The following NEBL variants were observed in gnomAD, a reference collection of about 807,000 sequenced individuals.
NEBL encodes the protein nebulette, also known as LIM and SH3 protein 2.
A neutral mutation model predicts 140.2 loss-of-function variants in NEBL; 122 were observed. The observed-to-expected ratio is 0.87, with a 90% CI of 0.75 to 1.01. The LOEUF (loss-of-function observed/expected upper bound fraction) is 1.01. Ranked by LOEUF, NEBL falls within the 50% of genes least tolerant of loss-of-function variation. The pLI is 0.00. For synonymous variants in NEBL, 436 were observed against 398.9 expected, an observed-to-expected ratio of 1.09 and a Z score of -1.11; for missense variants, 1,365 against 1,231.3, an observed-to-expected ratio of 1.11 and a Z score of -1.62.
intron 3 of NEBL, among the ~76,000 whole-genome samples, chr10:20,968,332 C>T (rs970920032): frequency 6.6e-6 from 1 of 151,250 alleles, no homozygotes; most frequent in Admixed American, 6.6e-5. Flanking sequence ...TAGCAAGGCC[C>T]CATCTCTTAA....
At chr10:21,118,876 A>C (rs1302497717) in intron 2 of NEBL, among the ~76,000 whole-genome samples, 1 of 152,178 alleles carries the variant, frequency 6.6e-6, no homozygotes. Flanking sequence ...TGGGTGTTAC[A>C]GTTCAGCACA....
chr10:21,125,955 G>A (rs761157935), intron 2 of NEBL: 2 of 1,614,184 alleles, frequency 1.2e-6, no homozygotes, highest in East Asian at 4.5e-5. Context: ...TGGCCCAGTT[G>A]CCTGGATCTG....
Position 21,271,589 on chromosome 10 carries a change from G to A in NEBL, n.183-19761C>T, listed in dbSNP as rs565190661. Among the ~76,000 whole-genome samples, 3 of 147,638 alleles carry A rather than the reference G, an allele frequency of 2.0e-5. No homozygotes were observed. The East Asian group carries it at 6.0e-4, about 30-fold the overall frequency. ...CATCCAGGCTGGAATGCAATATTAC[G>A]ATCTCGGCTCACTGCAACCTCCACC... On this transcript the variant is annotated intron_variant and non_coding_transcript_variant, in intron 1 of 8. Coordinates refer to the NEBL transcript ENST00000675702.
intron 3 of NEBL, among the ~76,000 whole-genome samples, chr10:21,214,687 C>A (rs1291466287): frequency 2.0e-5 from 3 of 152,070 alleles, no homozygotes; most frequent in African/African-American, 7.2e-5. Flanking sequence ...AAGGGTTTTT[C>A]AGGTGCTTCT....
chr10:20,890,754 G>C (rs1224504730), intron 2 of NEBL, among the ~76,000 whole-genome samples: 1 of 152,216 alleles, frequency 6.6e-6, no homozygotes, highest in African/African-American at 2.4e-5. Flanking sequence ...GGAAGACCCG[G>C]GTGGATATTT....
intron 3 of NEBL, among the ~76,000 whole-genome samples, chr10:20,965,665 C>A (rs1162701104): frequency 2.6e-5 from 4 of 152,122 alleles, no homozygotes; most frequent in African/African-American, 9.7e-5. Flanking sequence ...CAGCGGTATG[C>A]CCTGACTTGT....
At chr10:21,280,849 A>G (rs1237606223) in intron 1 of NEBL, among the ~76,000 whole-genome samples, 3 of 152,024 alleles carry the variant, frequency 2.0e-5, no homozygotes, top group East Asian at 1.9e-4. Context: ...TCCTGACCTC[A>G]GGTGATCTGC....
intron 5 of NEBL, among the ~76,000 whole-genome samples, chr10:20,874,405 T>C (rs1845282740): frequency 6.6e-6 from 1 of 152,174 alleles, no homozygotes; most frequent in Admixed American, 6.5e-5. Flanking sequence ...CCAGAGTCAT[T>C]TGAATGATCT....
chr10:20,935,846 A>G (rs1834454672), intron 4 of NEBL, among the ~76,000 whole-genome samples: 1 of 152,208 alleles, frequency 6.6e-6, no homozygotes. Context: ...CATGAGAATC[A>G]TTATAGGCCC....
intron 3 of NEBL, among the ~76,000 whole-genome samples, chr10:21,005,687 T>C (rs1262335857): frequency 6.6e-6 from 1 of 152,156 alleles, no homozygotes; most frequent in East Asian, 1.9e-4. Context: ...TGAGCTGTGA[T>C]CATGCCACTG....
At chr10:20,860,903 G>A (rs1843632296) in intron 7 of NEBL, among the ~76,000 whole-genome samples, 1 of 151,982 alleles carries the variant, frequency 6.6e-6, no homozygotes, top group Admixed American at 6.6e-5. Flanking sequence ...AGAAAATCTT[G>A]GTGGGAATAC....
chr10:20,786,644 G>T (rs1835430463), intron 27 of NEBL, among the ~76,000 whole-genome samples: 1 of 152,178 alleles, frequency 6.6e-6, no homozygotes, highest in African/African-American at 2.4e-5. Context: ...GTGTAGAAGA[G>T]TTTTCTAGGT....
At chr10:21,008,877 GT>G (rs1368881885) in intron 3 of NEBL, among the ~76,000 whole-genome samples, 1 of 151,630 alleles carries the variant, frequency 6.6e-6, no homozygotes, top group Non-Finnish European at 1.5e-5. Flanking sequence ...TATGCATATT[GT>G]ATGTAATGTA....
rs1232048555 is a variant in NEBL at position 20,852,577 on chromosome 10, G to A, written c.976C>T (p.His326Tyr). 4.3e-6 allele frequency: 7 copies of A among 1,613,676 alleles called. No homozygotes were observed. The highest frequency in any genetic ancestry group is 5.1e-6 in the Non-Finnish European group (6 of 1,179,866). The change falls in exon 10 of 28, where the codon CAC becomes TAC. Residue 326 changes from histidine (H) to tyrosine (Y), a missense_variant. Physicochemically the swap from His to Tyr is moderately conservative, Grantham distance 83. Coordinates refer to ENST00000377122, the MANE Select transcript of NEBL (RefSeq NM_006393.3). ...TGGAGGACGGCATTGCCTTTATGGT[G>A]CAGATGTTCCACAGCATCTGCATCA... The part of the protein sequence containing the change: ...HFDADAVEHL[H>Y]HKGNAVLQSQ...
chr10:21,071,930 T>C (rs1040098099), intron 2 of NEBL, among the ~76,000 whole-genome samples: 2 of 152,160 alleles, frequency 1.3e-5, no homozygotes, highest in African/African-American at 4.8e-5. Context: ...GCAATTCTCA[T>C]GCCTCAGTCT....
intron 1 of NEBL, among the ~76,000 whole-genome samples, chr10:21,258,619 C>T (rs555466307): frequency 2.1e-4 from 32 of 151,434 alleles, no homozygotes; most frequent in Admixed American, 1.3e-3. Flanking sequence ...GCAGCAGAAT[C>T]GCTTGAACCC....
intron 5 of NEBL, among the ~76,000 whole-genome samples, chr10:20,877,540 A>C (rs982449066): frequency 1.3e-5 from 2 of 152,220 alleles, no homozygotes; most frequent in African/African-American, 4.8e-5. Flanking sequence ...GACATACACA[A>C]GTGAGCTGTA....
chr10:20,807,733 T>C (rs1837736762), intron 26 of NEBL, among the ~76,000 whole-genome samples: 1 of 152,202 alleles, frequency 6.6e-6, no homozygotes, highest in Non-Finnish European at 1.5e-5. Flanking sequence ...ATTGCTTTTG[T>C]TCTCATATGC....
intron 3 of NEBL, among the ~76,000 whole-genome samples, chr10:21,181,301 G>A (rs1487952686): frequency 2.0e-5 from 3 of 150,640 alleles, no homozygotes; most frequent in South Asian, 2.1e-4. Flanking sequence ...ATGTAGCCAC[G>A]TTCTGCGCAC....
Sources: allele counts gnomAD v4.1 joint callset (sites outside exome capture counted in the v4.1 genomes callset), GRCh38; gene constraint gnomAD v4.1.1; transcripts MANE v1.5; gene names NCBI Gene and HGNC (gene_info 2026-07-23, HGNC 2026-07-21).